The following SNCAIP variants were observed in gnomAD, a reference collection of about 807,000 sequenced individuals.
SNCAIP encodes the protein synuclein alpha interacting protein, also known as synphilin-1.
In SNCAIP, 43 loss-of-function variants were observed where a neutral mutation model predicts 86.7. The ratio of observed to expected loss-of-function variants is 0.50; its 90% CI spans 0.39 to 0.64. The LOEUF is 0.64. SNCAIP is among the 30% of genes least tolerant of loss of function. SNCAIP has a pLI of 0.00. For missense variants in SNCAIP, 981 were observed against 1,103.1 expected, an observed-to-expected ratio of 0.89 and a Z score of 1.57; for synonymous variants, 417 against 427.2, an observed-to-expected ratio of 0.98 and a Z score of 0.29.
chr5:122,331,216 A>T (rs1226837025), intron 1 of SNCAIP, among the ~76,000 whole-genome samples: 1 of 152,036 alleles, frequency 6.6e-6, no homozygotes, highest in Non-Finnish European at 1.5e-5. Context: ...GGGATTGGGG[A>T]CCCCTGATTT....
chr5:122,458,062 A>C (rs1048118277), intron 10 of SNCAIP, among the ~76,000 whole-genome samples: 1 of 152,250 alleles, frequency 6.6e-6, no homozygotes, highest in Admixed American at 6.5e-5. Flanking sequence ...AAAAGGAGAA[A>C]GCAGATTGCA....
intron 1 of SNCAIP, among the ~76,000 whole-genome samples, chr5:122,380,273 G>A (rs1766408435): frequency 1.3e-5 from 2 of 152,204 alleles, no homozygotes; most frequent in South Asian, 4.1e-4. Context: ...TCTTGGGAGA[G>A]TGTATGTGTC....
At chr5:122,352,084 A>G (rs2152745650) in intron 1 of SNCAIP, among the ~76,000 whole-genome samples, 1 of 152,330 alleles carries the variant, frequency 6.6e-6, no homozygotes, top group South Asian at 2.1e-4. Context: ...AATGTATTAA[A>G]TTGGTAAATC....
intron 5 of SNCAIP, among the ~76,000 whole-genome samples, chr5:122,427,509 G>T (rs1284300993): frequency 6.6e-6 from 1 of 151,746 alleles, no homozygotes; most frequent in East Asian, 1.9e-4. Flanking sequence ...CTTTATTCTA[G>T]AATTTACAAA....
intron 1 of SNCAIP, among the ~76,000 whole-genome samples, chr5:122,320,897 C>A (rs1752782434): frequency 6.6e-6 from 1 of 152,148 alleles, no homozygotes; most frequent in South Asian, 2.1e-4. Flanking sequence ...GCAAATGAGT[C>A]CGGCAGGCAA....
At chr5:122,352,530 G>T (rs567237107) in intron 1 of SNCAIP, among the ~76,000 whole-genome samples, 1 of 152,170 alleles carries the variant, frequency 6.6e-6, no homozygotes, top group Non-Finnish European at 1.5e-5. Flanking sequence ...CTCATCAATT[G>T]TGGGCAAATG....
At chr5:122,354,625 T>C (rs767916011) in intron 1 of SNCAIP, among the ~76,000 whole-genome samples, 11 of 152,210 alleles carry the variant, frequency 7.2e-5, no homozygotes, top group Non-Finnish European at 1.2e-4. Flanking sequence ...GGAGCAGATA[T>C]ATAGTGAAGT....
At position 122,431,945 on chromosome 5, in the gene SNCAIP, C is replaced by T. The variant is rs756937338; in HGVS notation, c.1183-24C>T. On this transcript the variant is annotated intron_variant, in intron 5 of 10. Transcript: ENST00000261368. Reference sequence around the variant, plus strand: ...AACCTGAGTTACCTTGAATTTCCATCTCCCTTTCTTTTTTAAAACCTAGAA... The same window carrying T: ...AACCTGAGTTACCTTGAATTTCCATTTCCCTTTCTTTTTTAAAACCTAGAA... 5 of 1,127,084 alleles carry T rather than the reference C, an allele frequency of 4.4e-6. No individual in the cohort carries two copies. The Admixed American group carries it at 5.1e-5, about 11-fold the overall frequency. 69.8% of individuals were successfully genotyped at this position (1,127,084 alleles called of 1,614,324 possible). A position where few individuals can be genotyped will look rare whatever the true frequency, so the allele number is the denominator to read the frequency against.
At chr5:122,335,098 A>AT (rs554130175) in intron 1 of SNCAIP, among the ~76,000 whole-genome samples, 92 of 152,284 alleles carry the variant, frequency 6.0e-4, no homozygotes, top group Non-Finnish European at 1.1e-3. Context: ...ATTTTTAAGG[A>AT]TTTTTTTCCT....
Position 122,451,504 on chromosome 5 carries a change from A to G in SNCAIP, c.2657A>G (p.Gln886Arg). 6.2e-7 allele frequency: 1 copy of G among 1,613,886 alleles called. No individual in the cohort carries two copies. Among genetic ancestry groups the G allele is most frequent in the Non-Finnish European group, 8.5e-7 (1 of 1,180,016 alleles). Residue 886 changes from glutamine (Q) to arginine (R), a missense_variant, in exon 10 of 11, where the codon CAG becomes CGG. Physicochemically the swap from Gln to Arg is conservative, Grantham distance 43. Coordinates refer to ENST00000261368, the MANE Select transcript of SNCAIP (RefSeq NM_005460.4). ...NNNNNYQAANQLKTSTLPLTS... is the reference protein window; with the variant it reads ...NNNNNYQAANRLKTSTLPLTS... ...AATAATAACTACCAGGCAGCCAACC[A>G]GCTGAAAACCTCTACATTGCCCTTG...
At chr5:122,312,365 G>C (rs1021078594) in intron 1 of SNCAIP, 81 bp downstream of exon 1, 1 of 152,558 alleles carries the variant, frequency 6.6e-6, no homozygotes, top group Non-Finnish European at 1.5e-5. Context: ...GTTTGCACCA[G>C]GCGACCCCGG....
At chr5:122,363,696 C>A (rs11952062) in intron 1 of SNCAIP, among the ~76,000 whole-genome samples, 8,992 of 122,128 alleles carry the variant, frequency 0.074, 678 homozygotes, top group African/African-American at 0.2. Context: ...AAAAAAAAAA[C>A]CCCCTCTTGG....
intron 10 of SNCAIP, among the ~76,000 whole-genome samples, chr5:122,452,431 C>G (rs1213961272): frequency 2.0e-5 from 3 of 152,168 alleles, no homozygotes; most frequent in Non-Finnish European, 4.4e-5. Context: ...ATAAACCACC[C>G]AGTGGAGCTG....
chr5:122,462,974 T>C (rs1045786607), intron 10 of SNCAIP, among the ~76,000 whole-genome samples: 4 of 152,184 alleles, frequency 2.6e-5, no homozygotes, highest in African/African-American at 9.6e-5. Context: ...AAGGAGCATA[T>C]TGTTCTTTAG....
chr5:122,416,746 A>C (rs946828712), intron 3 of SNCAIP, among the ~76,000 whole-genome samples: 2 of 152,200 alleles, frequency 1.3e-5, no homozygotes, highest in African/African-American at 4.8e-5. Flanking sequence ...TTCACCTTAC[A>C]TAGGACTAAC....
intron 1 of SNCAIP, among the ~76,000 whole-genome samples, chr5:122,353,193 CA>C (rs1162526232): frequency 6.6e-6 from 1 of 151,448 alleles, no homozygotes; most frequent in East Asian, 1.9e-4. Context: ...TTATGTTGAG[CA>C]AAAAAAGGAG....
intron 1 of SNCAIP, among the ~76,000 whole-genome samples, chr5:122,338,448 A>G (rs1414002328): frequency 6.6e-6 from 1 of 152,252 alleles, no homozygotes; most frequent in Non-Finnish European, 1.5e-5. Flanking sequence ...AAATTGGATT[A>G]TCACTGTTAG....
intron 1 of SNCAIP, among the ~76,000 whole-genome samples, chr5:122,390,727 C>T (rs1292383891): frequency 1.3e-5 from 2 of 152,182 alleles, no homozygotes; most frequent in South Asian, 2.1e-4. Flanking sequence ...AGGCTGGCTC[C>T]CCATTTCCCA....
intron 1 of SNCAIP, among the ~76,000 whole-genome samples, chr5:122,380,968 G>C (rs1276843574): frequency 2.0e-5 from 3 of 146,406 alleles, no homozygotes; most frequent in Admixed American, 1.3e-4. Context: ...CAAGTATGTG[G>C]TCAATTTTGG....
Sources: gnomAD v4.1 joint callset for allele counts (sites outside exome capture counted in the v4.1 genomes callset) on GRCh38, gnomAD v4.1.1 for gene constraint, MANE v1.5 for transcripts, NCBI Gene and HGNC (gene_info 2026-07-23, HGNC 2026-07-21) for gene names.